WHR1: variants seen among roughly 807,000 people sequenced by gnomAD.
The protein encoded by WHR1 is winged helix repair factor 1.
chr6:31,979,817 G>A, the WHR1 span: 6 of 419,414 alleles, frequency 1.4e-5, no homozygotes, highest in African/African-American at 5.9e-5. Flanking sequence ...CTGGCAGGAA[G>A]TGTAAAAGCT....
the WHR1 span, chr6:31,972,705 G>A: frequency 6.2e-7 from 1 of 1,613,654 alleles, no homozygotes; most frequent in Non-Finnish European, 8.5e-7. The surrounding 1 kb of genome is among the most constrained non-coding windows in gnomAD (Gnocchi z 6.3). Context: ...ATCGTGCTGA[G>A]GAGCCAGGTG....
At chr6:31,971,661 C>T in the WHR1 span, 4 of 1,606,426 alleles carry the variant, frequency 2.5e-6, no homozygotes, top group Non-Finnish European at 2.5e-6. This position sits in a 1 kb window ranked among gnomAD's most constrained non-coding sequence, Gnocchi z 4.5. Flanking sequence ...CTCTCTTGGT[C>T]CCCCTGGGAT....
the WHR1 span, chr6:31,980,482 C>G: frequency 9.3e-6 from 15 of 1,612,996 alleles, no homozygotes; most frequent in Middle Eastern, 1.7e-4. Context: ...CCTCACCGTC[C>G]GAGATGCTGG....
At chr6:31,975,706 G>A in the WHR1 span, among the ~76,000 whole-genome samples, 2 of 145,440 alleles carry the variant, frequency 1.4e-5, no homozygotes, top group Admixed American at 7.1e-5. Flanking sequence ...GCAACCATCC[G>A]ATTTCTCAAT....
the WHR1 span, chr6:31,971,238 A>T: frequency 6.4e-7 from 1 of 1,551,912 alleles, no homozygotes; most frequent in Non-Finnish European, 8.7e-7. The surrounding 1 kb of genome is among the most constrained non-coding windows in gnomAD (Gnocchi z 4.5). Flanking sequence ...CTAAGGACTG[A>T]TTCTCACCCC....
the WHR1 span, chr6:31,971,274 G>A: frequency 2.6e-6 from 4 of 1,537,610 alleles, no homozygotes; most frequent in African/African-American, 2.8e-5. The surrounding 1 kb of genome is among the most constrained non-coding windows in gnomAD (Gnocchi z 4.5). Flanking sequence ...AATTTTAGAG[G>A]GTAGGTACGG....
the WHR1 span, among the ~76,000 whole-genome samples, chr6:31,976,023 G>T: frequency 6.7e-6 from 1 of 149,654 alleles, no homozygotes; most frequent in Non-Finnish European, 1.5e-5. Context: ...GAGGCGGCTG[G>T]CCGGGCGGGG....
chr6:31,971,565 A>G, the WHR1 span: 1 of 1,614,020 alleles, frequency 6.2e-7, no homozygotes, highest in Non-Finnish European at 8.5e-7. This position sits in a 1 kb window ranked among gnomAD's most constrained non-coding sequence, Gnocchi z 4.5. Flanking sequence ...GAAAGGGCCC[A>G]GAGTAGAGGG....
chr6:31,972,507 G>A, the WHR1 span: 20 of 1,607,040 alleles, frequency 1.2e-5, no homozygotes, highest in Non-Finnish European at 1.7e-5. The surrounding 1 kb of genome is among the most constrained non-coding windows in gnomAD (Gnocchi z 6.3). Context: ...TTCGGGGTGA[G>A]CCAGGTAACC....
the WHR1 span, chr6:31,972,843 C>G: frequency 6.3e-7 from 1 of 1,587,178 alleles, no homozygotes; most frequent in Non-Finnish European, 8.5e-7. The surrounding 1 kb of genome is among the most constrained non-coding windows in gnomAD (Gnocchi z 6.3). Flanking sequence ...AGCCGTTCAG[C>G]AAGCATTAGG....
the WHR1 span, among the ~76,000 whole-genome samples, chr6:31,973,998 C>A: frequency 7.9e-5 from 12 of 151,940 alleles, no homozygotes; most frequent in Non-Finnish European, 1.6e-4. Context: ...TAAGAGGAAC[C>A]CAGAGGCCGG....
At chr6:31,978,149 A>AT in the WHR1 span, among the ~76,000 whole-genome samples, 3 of 152,042 alleles carry the variant, frequency 2.0e-5, no homozygotes, top group African/African-American at 4.8e-5. Flanking sequence ...TGTCTAAACA[A>AT]TTTTTTTTAA....
At chr6:31,972,388 C>G in the WHR1 span, 1 of 1,613,098 alleles carries the variant, frequency 6.2e-7, no homozygotes, top group Non-Finnish European at 8.5e-7. This position sits in a 1 kb window ranked among gnomAD's most constrained non-coding sequence, Gnocchi z 6.3. Flanking sequence ...CTACCCCTTC[C>G]CCGGTACCAT....
the WHR1 span, chr6:31,972,449 T>A: frequency 1.9e-6 from 3 of 1,612,876 alleles, no homozygotes; most frequent in Admixed American, 3.3e-5. The surrounding 1 kb of genome is among the most constrained non-coding windows in gnomAD (Gnocchi z 6.3). Flanking sequence ...CCGGAGACCT[T>A]TGGAGTTAAG....
At chr6:31,979,440 G>A in the WHR1 span, 17 of 1,612,748 alleles carry the variant, frequency 1.1e-5, no homozygotes, top group South Asian at 9.9e-5. Context: ...ATGGCCGACC[G>A]TATGCTGGGG....
At chr6:31,971,750 A>T in the WHR1 span, 1 of 1,456,844 alleles carries the variant, frequency 6.9e-7, no homozygotes, top group South Asian at 1.3e-5. The surrounding 1 kb of genome is among the most constrained non-coding windows in gnomAD (Gnocchi z 4.5). Flanking sequence ...CTGGTTTAGG[A>T]CTAAGCGAGC....
the WHR1 span, chr6:31,972,539 C>T: frequency 1.3e-6 from 2 of 1,596,658 alleles, no homozygotes; most frequent in Middle Eastern, 3.3e-4. The surrounding 1 kb of genome is among the most constrained non-coding windows in gnomAD (Gnocchi z 6.3). Flanking sequence ...GGGGGTGGGG[C>T]CTCGCTTCCG....
At chr6:31,972,252 G>A in the WHR1 span, 11,972 of 1,613,092 alleles carry the variant, frequency 7.4e-3, 62 homozygotes, top group Non-Finnish European at 9.2e-3. The surrounding 1 kb of genome is among the most constrained non-coding windows in gnomAD (Gnocchi z 6.3). Flanking sequence ...CAGCACTGAC[G>A]GGCCTGAGGG....
chr6:31,978,938 C>T, the WHR1 span: 2 of 1,612,640 alleles, frequency 1.2e-6, no homozygotes, highest in South Asian at 2.2e-5. Flanking sequence ...TCAGAATCGT[C>T]CAGCTGGGCT....
Sources: allele counts gnomAD v4.1 joint callset (sites outside exome capture counted in the v4.1 genomes callset), GRCh38; gene constraint gnomAD v4.1.1; non-coding constraint Gnocchi (gnomAD v3.1); transcripts MANE v1.5; gene names NCBI Gene and HGNC (gene_info 2026-07-23, HGNC 2026-07-21).